The following DAPK2 variants were observed in gnomAD, a reference collection of about 807,000 sequenced individuals.
DAPK2 encodes the protein death-associated protein kinase 2.
Under a neutral mutation model 44.1 loss-of-function variants are expected in DAPK2, and 35 were observed. That is an observed-to-expected ratio of 0.79 (90% CI 0.61 to 1.05). DAPK2 has a LOEUF of 1.05. Ranked by LOEUF, DAPK2 falls within the 50% of genes least tolerant of loss-of-function variation. The pLI is 0.00. For missense variants in DAPK2, 453 were observed against 483.2 expected (o/e 0.94, Z 0.59); for synonymous variants, 174 against 182.6 (o/e 0.95, Z 0.38).
intron 8 of DAPK2, 38 bp downstream of exon 9, chr15:63,924,778 G>T (rs941652329): frequency 1.2e-6 from 2 of 1,612,668 alleles, no homozygotes; most frequent in Non-Finnish European, 1.7e-6. Flanking sequence ...ACAGAGCAGG[G>T]ACCCTTTGCC....
At chr15:63,948,088 C>T (rs77582553) in intron 3 of DAPK2, among the ~76,000 whole-genome samples, 1 of 151,734 alleles carries the variant, frequency 6.6e-6, no homozygotes, top group Non-Finnish European at 1.5e-5. Context: ...GCCAACATAG[C>T]GAAACCCCAT....
intron 8 of DAPK2, among the ~76,000 whole-genome samples, chr15:63,915,229 G>A (rs1355093089): frequency 6.6e-6 from 1 of 152,180 alleles, no homozygotes; most frequent in African/African-American, 2.4e-5. Context: ...GACTGAATCT[G>A]AGGATGTGGA....
chr15:63,907,710 C>T (rs2078691503), exon 11 of DAPK2: 1 of 152,278 alleles, frequency 6.6e-6, no homozygotes. Context: ...CGTGAGCCAC[C>T]ACTCCCAGTC....
chr15:63,935,084 G>A (rs1157467520), intron 4 of DAPK2, among the ~76,000 whole-genome samples: 2 of 129,888 alleles, frequency 1.5e-5, no homozygotes, highest in Non-Finnish European at 1.6e-5. Context: ...TTAAATCTTT[G>A]CCTTCTTTTT....
At position 64,004,673 on chromosome 15, in the gene DAPK2, G is replaced by A. The variant is rs139713939; in HGVS notation, c.93-20919C>T. On this transcript the variant is annotated intron_variant, in intron 1 of 10. Transcript: ENST00000261891. ...TTGGTGGGGTCTTTCCCCTCAGCTT[G>A]CATAACAATAATTCCACAGTGGGCC... Among the ~76,000 whole-genome samples, 390 of 152,258 alleles carry A rather than the reference G, an allele frequency of 2.6e-3. 3 individuals are homozygous for A. The highest frequency in any genetic ancestry group is 7.8e-3 in the African/African-American group (326 of 41,546).
chr15:63,989,581 A>T lies in DAPK2; in HGVS notation c.93-5827T>A, dbSNP rs184317637. On this transcript the variant is annotated intron_variant, in intron 1 of 10. Coordinates refer to ENST00000261891, the Ensembl canonical transcript of DAPK2. ...GAGAACAGTATTCGACATTGTTTTG[A>T]ATTGCTGGCATGTGGTGATAGTAAA... Among the ~76,000 whole-genome samples, 49 of 152,342 alleles carry T rather than the reference A, an allele frequency of 3.2e-4. No individual in the cohort carries two copies. The East Asian group carries it at 8.3e-3, about 26-fold the overall frequency.
At chr15:63,974,763 T>A (rs1370282040) in intron 2 of DAPK2, among the ~76,000 whole-genome samples, 1 of 152,230 alleles carries the variant, frequency 6.6e-6, no homozygotes, top group Non-Finnish European at 1.5e-5. Flanking sequence ...AAGAGTCAGC[T>A]TTGCAGGGCC....
chr15:64,032,477 C>A (rs1283314900), intron 1 of DAPK2, among the ~76,000 whole-genome samples: 1 of 152,176 alleles, frequency 6.6e-6, no homozygotes. Flanking sequence ...TAAACAAGTG[C>A]CAGATAAGCC....
At chr15:64,030,215 G>A (rs1045301645) in intron 1 of DAPK2, among the ~76,000 whole-genome samples, 1 of 152,188 alleles carries the variant, frequency 6.6e-6, no homozygotes, top group African/African-American at 2.4e-5. Flanking sequence ...TTGAACCCAG[G>A]AGGCAGAGGT....
At chr15:63,951,976 A>G (rs2077600346) in intron 3 of DAPK2, among the ~76,000 whole-genome samples, 1 of 152,250 alleles carries the variant, frequency 6.6e-6, no homozygotes, top group Non-Finnish European at 1.5e-5. Context: ...GTGCTGGCTC[A>G]TGCCTGTAAT....
rs1249798965 is a variant in DAPK2 at position 64,008,611 on chromosome 15, T to A, written c.93-24857A>T. ...GATGCAATAGACAATTATATAAACA[T>A]TAAAATAGCAAGTATGAACATCATA... On this transcript the variant is annotated intron_variant, in intron 1 of 10. Coordinates refer to ENST00000261891, the Ensembl canonical transcript of DAPK2. Among the ~76,000 whole-genome samples, 4 of 152,184 alleles carry A rather than the reference T, an allele frequency of 2.6e-5. No individual in the cohort carries two copies. The East Asian group carries it at 7.7e-4, about 29-fold the overall frequency.
chr15:64,022,022 G>T lies in DAPK2; in HGVS notation c.92+18148C>A, dbSNP rs8025362. 7.6e-3 allele frequency among the ~76,000 whole-genome samples: 1,161 copies of T among 152,316 alleles called. 15 individuals carry two copies. Among genetic ancestry groups the T allele is most frequent in the African/African-American group, 0.026 (1,098 of 41,564 alleles). ...GACTCTGTATCAGACACTGGATAGG[G>T]TGGAGATGGCCTAGACGTTGGTCTG... On this transcript the variant is annotated intron_variant, in intron 1 of 10. Coordinates refer to ENST00000261891, the Ensembl canonical transcript of DAPK2.
intron 1 of DAPK2, among the ~76,000 whole-genome samples, chr15:63,986,010 G>A (rs2078658483): frequency 6.6e-6 from 1 of 152,200 alleles, no homozygotes; most frequent in African/African-American, 2.4e-5. Context: ...TGACTACGAT[G>A]GCGCCAAATA....
intron 4 of DAPK2, among the ~76,000 whole-genome samples, chr15:63,936,635 C>G (rs778357220): frequency 6.6e-6 from 1 of 151,506 alleles, no homozygotes; most frequent in Non-Finnish European, 1.5e-5. Context: ...AAAGATTTCT[C>G]TTATTTCCTG....
At chr15:63,933,542 C>G (rs534011951) in intron 4 of DAPK2, among the ~76,000 whole-genome samples, 5 of 149,472 alleles carry the variant, frequency 3.3e-5, no homozygotes, top group Non-Finnish European at 5.9e-5. Context: ...AGCGCCTGGC[C>G]TAAGAATTTA....
chr15:64,045,136 G>A (rs1324798620), upstream of DAPK2, among the ~76,000 whole-genome samples: 1 of 152,204 alleles, frequency 6.6e-6, no homozygotes, highest in Admixed American at 6.5e-5. Flanking sequence ...AGGCCTCAAG[G>A]AGGTGGGCAG....
chr15:63,968,594 G>A (rs187203228), intron 3 of DAPK2, among the ~76,000 whole-genome samples: 75 of 152,340 alleles, frequency 4.9e-4, no homozygotes, highest in Middle Eastern at 3.4e-3. Context: ...ATTCTGAGAA[G>A]GGGAATAACA....
Position 63,923,345 on chromosome 15 carries a change from T to G in DAPK2, c.858+1471A>C, listed in dbSNP as rs775408958. 120 of 1,533,596 alleles carry G rather than the reference T, an allele frequency of 7.8e-5. 1 individual carries two copies. The African/African-American group carries it at 1.4e-3, about 18-fold the overall frequency. 95.0% of individuals were successfully genotyped at this position (1,533,596 alleles called of 1,614,324 possible). A position where few individuals can be genotyped will look rare whatever the true frequency, so the allele number is the denominator to read the frequency against. ...AGGGGCTCTGCCTTCTCCTTTTGAC[T>G]GGTGGGTGTTCAGACAGAAGAATCA... On this transcript the variant is annotated intron_variant, in intron 8 of 10. Transcript: ENST00000261891. The surrounding 1 kb of genome is among the most constrained non-coding windows in gnomAD (Gnocchi z 4.2).
intron 3 of DAPK2, among the ~76,000 whole-genome samples, chr15:63,943,268 A>G (rs1219873874): frequency 1.3e-5 from 2 of 151,996 alleles, no homozygotes; most frequent in Admixed American, 1.3e-4. Flanking sequence ...TACAAAAAAA[A>G]TTTTTAAAAA....
Sources: allele counts gnomAD v4.1 joint callset (sites outside exome capture counted in the v4.1 genomes callset), GRCh38; gene constraint gnomAD v4.1.1; non-coding constraint Gnocchi (gnomAD v3.1); transcripts MANE v1.5; gene names NCBI Gene and HGNC (gene_info 2026-07-23, HGNC 2026-07-21).